Variants in ROBO3 observed in about 807,000 individuals in gnomAD.
ROBO3 encodes roundabout homolog 3.
Under a neutral mutation model 160.5 loss-of-function variants are expected in ROBO3, and 97 were observed. That is an observed-to-expected ratio of 0.60 (90% confidence interval 0.51 to 0.72). The LOEUF is 0.72. Ranked by LOEUF, ROBO3 falls within the 30% of genes least tolerant of loss-of-function variation. The pLI, the probability that ROBO3 is intolerant of heterozygous loss-of-function variation, is 0.00. For synonymous variants in ROBO3, 780 were observed against 746.2 expected (o/e 1.05, Z -0.74); for missense variants, 1,858 against 1,846.5 (o/e 1.01, Z -0.11).
rs1591510511 is a variant in ROBO3 at position 124,871,098 on chromosome 11, A to C, written c.1118A>C (p.Asn373Thr). 1 of 1,612,696 alleles carries C rather than the reference A, an allele frequency of 6.2e-7. No individual in the cohort carries two copies. Among genetic ancestry groups the C allele is most frequent in the Non-Finnish European group, 8.5e-7 (1 of 1,179,304 alleles). The part of the protein sequence containing the change: ...SVAFQCETKG[N>T]PPPAIFWQKE... ...GCTTTCCAGTGCGAGACCAAAGGAA[A>C]CCCCCCACCTGCCATCTTCTGGCAG... The change falls in exon 7 of 28, where the codon AAC becomes ACC. Residue 373 changes from asparagine (N) to threonine (T), a missense_variant. Transcript: ENST00000397801.
In ROBO3 at chr11:124,865,863, C is replaced by A. The variant is rs1946189628; in HGVS notation, c.160+126C>A. 5 of 1,124,084 alleles carry A rather than the reference C, an allele frequency of 4.4e-6. No homozygotes were observed. Among genetic ancestry groups the A allele is most frequent in the Non-Finnish European group, 6.2e-6 (5 of 809,724 alleles). 69.6% of individuals were successfully genotyped at this position (1,124,084 alleles called of 1,614,324 possible). A position where few individuals can be genotyped will look rare whatever the true frequency, so the allele number is the denominator to read the frequency against. On this transcript the variant is annotated intron_variant, in intron 1 of 27. Coordinates refer to ENST00000397801, the MANE Select transcript of ROBO3 (RefSeq NM_022370.4). This position sits in a 1 kb window ranked among gnomAD's most constrained non-coding sequence, Gnocchi z 5.5. ...ATTGAGTGGCGCCTCCCAGCGCCTCCCTGGGTCGTGGGGTCTAAGGGATAA... is the reference window on the plus strand; with the variant it reads ...ATTGAGTGGCGCCTCCCAGCGCCTCACTGGGTCGTGGGGTCTAAGGGATAA...
In ROBO3 at chr11:124,876,373, G is replaced by A. The variant is rs1187851055; in HGVS notation, c.2692G>A (p.Gly898Ser). 7.6e-6 allele frequency: 11 copies of A among 1,441,578 alleles called. No homozygotes were observed. Among genetic ancestry groups the A allele is most frequent in the Non-Finnish European group, 9.0e-6 (10 of 1,105,652 alleles). The allele number at this position is 1,441,578 out of a possible 1,614,324, so 89.3% of individuals were successfully genotyped here. A position where few individuals can be genotyped will look rare whatever the true frequency, so the allele number is the denominator to read the frequency against. ...LREPAFLAGS[G>S]AACGALLLGL... Reference sequence around the variant, plus strand: ...GGAGCCCGCCTTCCTCGCGGGCAGCGGCGCAGCCTGCGGGGCGCTGCTTCT... The same window carrying A: ...GGAGCCCGCCTTCCTCGCGGGCAGCAGCGCAGCCTGCGGGGCGCTGCTTCT... The change falls in exon 17 of 28, where the codon GGC (glycine) becomes AGC (serine). Residue 898 changes from glycine (G) to serine (S), a missense_variant. Transcript: ENST00000397801. This position sits in a 1 kb window ranked among gnomAD's most constrained non-coding sequence, Gnocchi z 5.3.
In ROBO3 at chr11:124,878,815, C is replaced by G; in HGVS notation, c.3533+19C>G. 6.3e-7 allele frequency: 1 copy of G among 1,586,756 alleles called. No individual in the cohort carries two copies. The highest frequency in any genetic ancestry group is 8.6e-7 in the Non-Finnish European group (1 of 1,159,336). Reference sequence around the variant, plus strand: ...TGCCCAGGTAGGGAGGTATATAGTACCTCACTCATTGCAAGCCCTCTATAC... The same window carrying G: ...TGCCCAGGTAGGGAGGTATATAGTAGCTCACTCATTGCAAGCCCTCTATAC... On this transcript the variant is annotated intron_variant, in intron 23 of 27. Coordinates refer to ENST00000397801, the MANE Select transcript of ROBO3 (RefSeq NM_022370.4). The surrounding 1 kb of genome is among the most constrained non-coding windows in gnomAD (Gnocchi z 4.3).
rs1389660986 is a variant in ROBO3 at position 124,876,060 on chromosome 11, C to T, written c.2528C>T (p.Thr843Ile). 1.2e-6 allele frequency: 2 copies of T among 1,610,092 alleles called. No individual in the cohort carries two copies. The highest frequency in any genetic ancestry group is 8.5e-7 in the Non-Finnish European group (1 of 1,179,002). The change falls in exon 16 of 28, where the codon ACC becomes ATC. Residue 843 changes from threonine (T) to isoleucine (I), a missense_variant. Thr to Ile is a moderately conservative substitution (Grantham distance 89). Coordinates refer to ENST00000397801, the MANE Select transcript of ROBO3 (RefSeq NM_022370.4). This position sits in a 1 kb window ranked among gnomAD's most constrained non-coding sequence, Gnocchi z 5.3. ...RGLVPGLLYR[T>I]LVAAATSAGV... Reference sequence around the variant, plus strand: ...CTGGTGCCCGGTCTCCTCTATCGAACCCTGGTCGCGGCGGCCACCAGCGCA... The same window carrying T: ...CTGGTGCCCGGTCTCCTCTATCGAATCCTGGTCGCGGCGGCCACCAGCGCA...
chr11:124,872,545 A>G lies in ROBO3; in HGVS notation c.1323A>G (p.Ile441Met). The G allele has an allele frequency of 6.2e-7, 1 of 1,613,186 alleles. No individual in the cohort carries two copies. Among genetic ancestry groups the G allele is most frequent in the Non-Finnish European group, 8.5e-7 (1 of 1,179,246 alleles). ...GSILAKALLE[I>M]KGASLDGLPP... Reference sequence around the variant, plus strand: ...TCCTGGCCAAGGCCCTGCTGGAGATAAAAGGAGGTACGTGCCCATGGAGAT... The same window carrying G: ...TCCTGGCCAAGGCCCTGCTGGAGATGAAAGGAGGTACGTGCCCATGGAGAT... The change falls in exon 8 of 28, where the codon ATA (isoleucine) becomes ATG (methionine). Residue 441 changes from isoleucine to methionine, a missense_variant. By Grantham distance (10) the Ile-to-Met change is conservative. Coordinates refer to ENST00000397801, the MANE Select transcript of ROBO3 (RefSeq NM_022370.4). The surrounding 1 kb of genome is among the most constrained non-coding windows in gnomAD (Gnocchi z 4.3).
At chr11:124,871,205 A>C (rs747821811) in intron 7 of ROBO3, 67 bp downstream of exon 7, 32 of 1,523,652 alleles carry the variant, frequency 2.1e-5, no homozygotes, top group African/African-American at 2.8e-5. Context: ...CTCCCTCTAC[A>C]TTCTGCAAAC....
intron 1 of ROBO3, among the ~76,000 whole-genome samples, chr11:124,866,916 C>G (rs969211270): frequency 6.6e-6 from 1 of 152,148 alleles, no homozygotes; most frequent in Admixed American, 6.5e-5. Context: ...AAGCACAGAT[C>G]CCTTCTCGCT....
Position 124,879,811 on chromosome 11 carries a change from C to A in ROBO3, c.3821C>A (p.Pro1274Gln), listed in dbSNP as rs538386138. Residue 1274 changes from proline to glutamine, a missense_variant, in exon 26 of 28, where the codon CCG becomes CAG. By Grantham distance (76) the Pro-to-Gln change is moderately conservative. Coordinates refer to ENST00000397801, the MANE Select transcript of ROBO3 (RefSeq NM_022370.4). ...GACTTGCCCCCACCACCCTTGCCACCGCCAGAGGAAGAGGCGAGCTGGGCC... is the reference window on the plus strand; with the variant it reads ...GACTTGCCCCCACCACCCTTGCCACAGCCAGAGGAAGAGGCGAGCTGGGCC... ...PGDLPPPPLP[P>Q]PEEEASWALE... 2.0e-5 allele frequency: 32 copies of A among 1,613,760 alleles called. No homozygotes were observed. Among genetic ancestry groups the A allele is most frequent in the Non-Finnish European group, 2.5e-5 (30 of 1,179,862 alleles).
Position 124,874,813 on chromosome 11 carries a change from G to T in ROBO3, c.1977G>T (p.Glu659Asp), listed in dbSNP as rs1210418927. The T allele has an allele frequency of 1.2e-6, 2 of 1,605,920 alleles. No individual in the cohort carries two copies. The highest frequency in any genetic ancestry group is 1.7e-6 in the Non-Finnish European group (2 of 1,176,358). ...TQDSSPSRPV[E>D]DPWRGQQGLA... ...ATAGCAGCCCCTCTAGGCCAGTGGAGGACCCATGGAGAGGCCAGCAGGGAC... is the reference window on the plus strand; with the variant it reads ...ATAGCAGCCCCTCTAGGCCAGTGGATGACCCATGGAGAGGCCAGCAGGGAC... Residue 659 changes from glutamate to aspartate, a missense_variant, in exon 13 of 28, where the codon GAG becomes GAT. Coordinates refer to ENST00000397801, the MANE Select transcript of ROBO3 (RefSeq NM_022370.4).
chr11:124,869,428 C>CGCGG lies in ROBO3; in HGVS notation c.488-20_488-19insGGGC. On this transcript the variant is annotated intron_variant, in intron 2 of 27. Coordinates refer to ENST00000397801, the MANE Select transcript of ROBO3 (RefSeq NM_022370.4). This position sits in a 1 kb window ranked among gnomAD's most constrained non-coding sequence, Gnocchi z 4.2. ...ATGTCACTCTACACCCTGCTTATTTCGCCCCCCACCGCCCCGCCCAGTCCT... is the reference window on the plus strand; with the variant it reads ...ATGTCACTCTACACCCTGCTTATTTCGCGGGCCCCCCACCGCCCCGCCCAGTCCT... The CGCGG allele has an allele frequency of 1.2e-5, 16 of 1,383,794 alleles. No homozygotes were observed. The highest frequency in any genetic ancestry group is 1.9e-5 in the African/African-American group (1 of 52,820). 85.7% of individuals were successfully genotyped at this position (1,383,794 alleles called of 1,614,324 possible). A position where few individuals can be genotyped will look rare whatever the true frequency, so the allele number is the denominator to read the frequency against.
chr11:124,868,080 T>C (rs1340407341), intron 1 of ROBO3, among the ~76,000 whole-genome samples: 2 of 152,156 alleles, frequency 1.3e-5, no homozygotes, highest in Admixed American at 1.3e-4. Context: ...ATCAGTAGAA[T>C]AATCTATTGG....
rs1321042662 is a variant in ROBO3 at position 124,878,042 on chromosome 11, C to T, written c.3092C>T (p.Thr1031Ile). 1 of 1,612,692 alleles carries T rather than the reference C, an allele frequency of 6.2e-7. No homozygotes were observed. The highest frequency in any genetic ancestry group is 8.5e-7 in the Non-Finnish European group (1 of 1,179,398). Residue 1031 changes from threonine to isoleucine, a missense_variant, in exon 21 of 28, where the codon ACC (threonine) becomes ATC (isoleucine). By Grantham distance (89) the Thr-to-Ile change is moderately conservative (BLOSUM62 -1). Transcript: ENST00000397801. This position sits in a 1 kb window ranked among gnomAD's most constrained non-coding sequence, Gnocchi z 4.3. Reference protein sequence around the residue: ...TIDPAGEELQTFHGGFPQHPS... With the variant: ...TIDPAGEELQIFHGGFPQHPS... ...GACCCAGCGGGGGAGGAGCTGCAGA[C>T]CTTCCATGGGGGCTTCCCCCAACAT...
Position 124,870,681 on chromosome 11 carries a change from A to G in ROBO3, c.986A>G (p.Glu329Gly), listed in dbSNP as rs753206016. ...EDEGTYTCVA[E>G]NSVGRAEASG... ...GAGGGAACGTACACCTGTGTGGCGG[A>G]GAACAGTGTGGGCCGCGCTGAAGCA... The change falls in exon 6 of 28, where the codon GAG (glutamate) becomes GGG (glycine). Residue 329 changes from glutamate (E) to glycine (G), a missense_variant. Glu to Gly is a moderately conservative substitution (Grantham distance 98). Coordinates refer to ENST00000397801, the MANE Select transcript of ROBO3 (RefSeq NM_022370.4). The G allele has an allele frequency of 2.5e-6, 4 of 1,613,070 alleles. No homozygotes were observed. Among genetic ancestry groups the G allele is most frequent in the East Asian group, 2.2e-5 (1 of 44,872 alleles).
chr11:124,878,051 G>A lies in ROBO3; in HGVS notation c.3101G>A (p.Gly1034Glu), dbSNP rs2135342385. The change falls in exon 21 of 28, where the codon GGG becomes GAG. Residue 1034 changes from glycine (G) to glutamate (E), a missense_variant. Transcript: ENST00000397801. This position sits in a 1 kb window ranked among gnomAD's most constrained non-coding sequence, Gnocchi z 4.3. ...PAGEELQTFH[G>E]GFPQHPSGDL... ...GGGGAGGAGCTGCAGACCTTCCATG[G>A]GGGCTTCCCCCAACATCCCTCAGGA... 1.9e-6 allele frequency: 3 copies of A among 1,612,706 alleles called. No individual in the cohort carries two copies.
Position 124,871,083 on chromosome 11 carries a change from GC to G in ROBO3, c.1104del (p.Cys368TrpfsTer74). On this transcript the variant is annotated frameshift_variant, in exon 7 of 28. Coordinates refer to ENST00000397801, the MANE Select transcript of ROBO3 (RefSeq NM_022370.4). LOFTEE classifies it high-confidence loss of function. Reference sequence around the variant, plus strand: ...CCTGGAGAGAGCGTGGCTTTCCAGTGCGAGACCAAAGGAAACCCCCCACCTG... The same window carrying G: ...CCTGGAGAGAGCGTGGCTTTCCAGTGGAGACCAAAGGAAACCCCCCACCTG... ...AAPGESVAFQ[C>X]ETKGNPPPAI... 6.2e-7 allele frequency: 1 copy of G among 1,613,738 alleles called. No individual in the cohort carries two copies. Among genetic ancestry groups the G allele is most frequent in the Non-Finnish European group, 8.5e-7 (1 of 1,179,716 alleles).
intron 26 of ROBO3, 87 bp downstream of exon 26, chr11:124,880,035 C>T (rs1946533736): frequency 7.7e-7 from 1 of 1,305,098 alleles, no homozygotes; most frequent in Non-Finnish European, 1.0e-6. Context: ...ACCAGCTCAG[C>T]CCTCCCTTTA....
chr11:124,878,958 C>A lies in ROBO3; in HGVS notation c.3533+162C>A. 1.3e-6 allele frequency: 1 copy of A among 773,764 alleles called. No homozygotes were observed. Among genetic ancestry groups the A allele is most frequent in the Non-Finnish European group, 2.1e-6 (1 of 483,436 alleles). 47.9% of individuals were successfully genotyped at this position (773,764 alleles called of 1,614,324 possible). A position where few individuals can be genotyped will look rare whatever the true frequency, so the allele number is the denominator to read the frequency against. On this transcript the variant is annotated intron_variant, in intron 23 of 27. Transcript: ENST00000397801. The surrounding 1 kb of genome is among the most constrained non-coding windows in gnomAD (Gnocchi z 4.3). ...TGTAATTTGGGCAGGAATATGGAGG[C>A]TGACAAGATCTCTCATGCCCATTAG...
chr11:124,878,699 C>A lies in ROBO3; in HGVS notation c.3436C>A (p.Pro1146Thr). ...CCGAAGGGAAACCCCCTCTCCCACA[C>A]CTTCCTATGGACAGCAGTCCACAGC... ...PSRRETPSPT[P>T]SYGQQSTATL... The change falls in exon 23 of 28, where the codon CCT becomes ACT. Residue 1146 changes from proline to threonine, a missense_variant. Pro to Thr is a conservative substitution (Grantham distance 38). Coordinates refer to ENST00000397801, the MANE Select transcript of ROBO3 (RefSeq NM_022370.4). The surrounding 1 kb of genome is among the most constrained non-coding windows in gnomAD (Gnocchi z 4.3). 6.2e-7 allele frequency: 1 copy of A among 1,613,926 alleles called. No homozygotes were observed.
chr11:124,879,408 G>A (rs973573076), intron 24 of ROBO3, 57 bp from the exon 25 acceptor site: 7 of 1,608,156 alleles, frequency 4.4e-6, no homozygotes, highest in Middle Eastern at 1.6e-4. Flanking sequence ...TCACCCTTAG[G>A]CCTTTTTCCT....
Sources: gnomAD v4.1 joint callset for allele counts (sites outside exome capture counted in the v4.1 genomes callset) on GRCh38, gnomAD v4.1.1 for gene constraint, Gnocchi (gnomAD v3.1) non-coding constraint, MANE v1.5 for transcripts, NCBI Gene and HGNC (gene_info 2026-07-23, HGNC 2026-07-21) for gene names.